The following KLRG1 variants were observed in gnomAD, a reference collection of about 807,000 sequenced individuals.
KLRG1 encodes killer cell lectin-like receptor subfamily G member 1.
KLRG1 carries 16 observed loss-of-function variants against 21.8 expected under a neutral mutation model. The observed-to-expected ratio is 0.73, with a 90% CI of 0.50 to 1.11. KLRG1 has a LOEUF of 1.11. KLRG1 is among the 50% of genes most tolerant of loss of function. KLRG1 has a pLI of 0.00. For synonymous variants in KLRG1, 69 were observed against 75.9 expected, an observed-to-expected ratio of 0.91 and a Z score of 0.47; for missense variants, 173 against 218.3, an observed-to-expected ratio of 0.79 and a Z score of 1.31.
At chr12:9,155,387 A>G in the KLRG1 span, among the ~76,000 whole-genome samples, 1 of 152,166 alleles carries the variant, frequency 6.6e-6, no homozygotes, top group Non-Finnish European at 1.5e-5. Flanking sequence ...GATGAAATGT[A>G]TAAGGCACCA....
chr12:9,160,871 C>T, the KLRG1 span, among the ~76,000 whole-genome samples: 2 of 151,156 alleles, frequency 1.3e-5, no homozygotes, highest in Non-Finnish European at 2.9e-5. Context: ...GCCGAGATCA[C>T]GTCACTGTAC....
chr12:9,204,016 G>T, the KLRG1 span: 1 of 1,427,724 alleles, frequency 7.0e-7, no homozygotes, highest in East Asian at 2.3e-5. Context: ...ATCCATAAAT[G>T]TGTTTTCATA....
At chr12:9,067,901 C>A in the KLRG1 span, 2 of 1,505,550 alleles carry the variant, frequency 1.3e-6, no homozygotes, top group Non-Finnish European at 1.8e-6. Context: ...AGAGAGTATT[C>A]TTTCCCTTAG....
At chr12:9,165,882 A>G in the KLRG1 span, among the ~76,000 whole-genome samples, 1 of 152,224 alleles carries the variant, frequency 6.6e-6, no homozygotes, top group African/African-American at 2.4e-5. Context: ...CACTGAGACA[A>G]TTGTATTAAT....
chr12:9,130,296 C>A, the KLRG1 span, among the ~76,000 whole-genome samples: 1 of 152,134 alleles, frequency 6.6e-6, no homozygotes, highest in Admixed American at 6.5e-5. Flanking sequence ...GTTTTCAATT[C>A]TTTTGGATAT....
the KLRG1 span, chr12:9,200,578 C>T: frequency 2.6e-6 from 2 of 755,756 alleles, no homozygotes; most frequent in Admixed American, 5.7e-5. Context: ...AATGTATCAA[C>T]TTTAAGATGG....
the KLRG1 span, among the ~76,000 whole-genome samples, chr12:9,139,719 T>A: frequency 2.0e-5 from 3 of 152,316 alleles, no homozygotes; most frequent in Middle Eastern, 3.4e-3. Context: ...TAACTCAGTC[T>A]ATTTTATCTG....
the KLRG1 span, chr12:9,079,729 C>A: frequency 2.8e-4 from 452 of 1,613,572 alleles, no homozygotes; most frequent in Non-Finnish European, 3.5e-4. Flanking sequence ...ATGTTAGGAG[C>A]AAAGAGGACC....
chr12:9,011,039 C>T (rs1947625340), downstream of KLRG1, among the ~76,000 whole-genome samples: 2 of 152,116 alleles, frequency 1.3e-5, no homozygotes. Flanking sequence ...GTAATGATAG[C>T]GATTCCATGT....
At chr12:9,115,857 A>T in the KLRG1 span, 2 of 1,611,558 alleles carry the variant, frequency 1.2e-6, no homozygotes, top group Non-Finnish European at 1.7e-6. Flanking sequence ...CATGTTGCAG[A>T]AAGAAGGAGC....
intron 1 of KLRG1, among the ~76,000 whole-genome samples, chr12:8,974,901 TTCTTC>T (rs1946632280): frequency 8.4e-6 from 1 of 119,318 alleles, no homozygotes; most frequent in African/African-American, 2.6e-5. Flanking sequence ...CTTCTTCTTC[TTCTTC>T]TTTTTTTGAG....
At chr12:9,127,992 CG>C in the KLRG1 span, 4 of 292,094 alleles carry the variant, frequency 1.4e-5, no homozygotes, top group Non-Finnish European at 2.7e-5. Context: ...AGATCACTTC[CG>C]AACCAAGTCT....
At chr12:9,116,297 A>G in the KLRG1 span, 1 of 225,552 alleles carries the variant, frequency 4.4e-6, no homozygotes, top group Non-Finnish European at 9.0e-6. Flanking sequence ...ATTTCACTAC[A>G]AGTCAGTGTG....
chr12:9,150,815 T>G, the KLRG1 span: 1 of 943,806 alleles, frequency 1.1e-6, no homozygotes, highest in Non-Finnish European at 1.7e-6. Context: ...GCAAAACATA[T>G]TCTTATTGTT....
chr12:8,986,673 A>G (rs751730636), upstream of KLRG1, among the ~76,000 whole-genome samples: 3 of 151,908 alleles, frequency 2.0e-5, no homozygotes, highest in South Asian at 6.2e-4. Flanking sequence ...AGAATTAGCC[A>G]TTTCTTCAAA....
chr12:9,115,903 A>G, the KLRG1 span: 655 of 1,447,208 alleles, frequency 4.5e-4, 2 homozygotes, highest in African/African-American at 7.9e-3. Flanking sequence ...CCTACTCCCT[A>G]CAATCCATCT....
At chr12:9,202,968 G>A in the KLRG1 span, among the ~76,000 whole-genome samples, 1 of 152,154 alleles carries the variant, frequency 6.6e-6, no homozygotes, top group African/African-American at 2.4e-5. Context: ...GCAATGGAGA[G>A]AAACATCTCT....
chr12:8,961,526 C>T (rs1398698366), intron 1 of KLRG1, among the ~76,000 whole-genome samples: 2 of 152,116 alleles, frequency 1.3e-5, no homozygotes, highest in Admixed American at 6.5e-5. Context: ...GATTCTCCTG[C>T]CTCAGCCTCC....
In KLRG1 at chr12:8,989,702, G is replaced by A. The variant is rs1946910519; in HGVS notation, c.67G>A (p.Gly23Arg). 4.4e-6 allele frequency: 7 copies of A among 1,602,452 alleles called. No homozygotes were observed. The highest frequency in any genetic ancestry group is 1.7e-4 in the Middle Eastern group (1 of 6,044). Reference protein sequence around the residue: ...PTATQAQNDYGPQQKSSSSRP... With the variant: ...PTATQAQNDYRPQQKSSSSRP... ...GGCAACCCAAGCCCAGAATGACTAT[G>A]GACCACAGCAAAAATGTGAGTTAAC... is the stretch of plus-strand genomic sequence containing the variant. The change falls in exon 1 of 5, where the codon GGA (glycine) becomes AGA (arginine). Residue 23 changes from glycine to arginine, a missense_variant. Around this residue, in one of 3 missense-constraint regions of KLRG1, gnomAD observed 144 missense variants for 161.5 expected, o/e 0.89. Coordinates refer to ENST00000356986, the MANE Select transcript of KLRG1 (RefSeq NM_005810.4).
Sources: gnomAD v4.1 joint callset for allele counts (sites outside exome capture counted in the v4.1 genomes callset) on GRCh38, gnomAD v4.1.1 for gene constraint, gnomAD v4.1.1 regional missense constraint, MANE v1.5 for transcripts, NCBI Gene and HGNC (gene_info 2026-07-23, HGNC 2026-07-21) for gene names.